Variants in DSCAM observed in about 807,000 individuals in gnomAD.
DSCAM encodes the protein cell adhesion molecule DSCAM.
In DSCAM, 47 loss-of-function variants were observed where a neutral mutation model predicts 217.7. That is an observed-to-expected ratio of 0.22 (90% CI 0.17 to 0.28). DSCAM has a LOEUF of 0.28. Among genes scored for constraint, DSCAM ranks in the 10% least tolerant of loss-of-function variants. The pLI is 1.00. For synonymous variants in DSCAM, 1,056 were observed against 1,015.3 expected (o/e 1.04, Z -0.76); for missense variants, 2,080 against 2,618.3 (o/e 0.79, Z 4.49).
rs1020272119 is a variant in DSCAM at position 40,847,130 on chromosome 21, A to C, written c.-469T>G. 1 of 152,286 alleles carries C rather than the reference A, an allele frequency of 6.6e-6. No individual in the cohort carries two copies. Among genetic ancestry groups the C allele is most frequent in the African/African-American group, 2.4e-5 (1 of 41,460 alleles). The allele number at this position is 152,286 out of a possible 1,614,324, so 9.4% of individuals were successfully genotyped here. On this transcript the variant is annotated 5_prime_UTR_variant, in exon 1 of 33. Transcript: ENST00000400454. The stretch of plus-strand genomic sequence containing the variant: ...CCTCAGTCACATGGATCCCTCTGCC[A>C]ACCTTCCCTGCCTGCGAGCCGGGCG...
intron 3 of DSCAM, among the ~76,000 whole-genome samples, chr21:40,539,149 G>C (rs563728347): frequency 2.4e-4 from 37 of 152,204 alleles, no homozygotes; most frequent in African/African-American, 8.9e-4. Flanking sequence ...GGCCGAGAGG[G>C]CCCAGACCCC....
Position 40,085,752 on chromosome 21 carries a change from T to C in DSCAM, c.3982A>G (p.Ser1328Gly). The change falls in exon 23 of 33, where the codon AGT (serine) becomes GGT (glycine). Residue 1328 changes from serine to glycine, a missense_variant. By Grantham distance (56) the Ser-to-Gly change is moderately conservative. This residue lies in a region of DSCAM where 1,144 missense variants were observed against 1,421.1 expected (regional missense o/e 0.81). Coordinates refer to ENST00000400454, the MANE Select transcript of DSCAM (RefSeq NM_001389.5). ...CTCCGCCCATCAATCGTTACTAGAC[T>C]GGGTGTCCCGTTACTGCCTCACAGG... ...KWMKDSNGTP[S>G]LVTIDGRRSI... is the part of the protein sequence containing the mutation. 6.6e-7 allele frequency: 1 copy of C among 1,519,586 alleles called. No individual in the cohort carries two copies. Among genetic ancestry groups the C allele is most frequent in the Non-Finnish European group, 8.9e-7 (1 of 1,117,892 alleles). 94.1% of individuals were successfully genotyped at this position (1,519,586 alleles called of 1,614,324 possible). A position where few individuals can be genotyped will look rare whatever the true frequency, so the allele number is the denominator to read the frequency against.
At chr21:40,360,692 A>G (rs1276948737) in intron 4 of DSCAM, among the ~76,000 whole-genome samples, 2 of 152,068 alleles carry the variant, frequency 1.3e-5, no homozygotes, top group Non-Finnish European at 2.9e-5. Context: ...TATGTACCAC[A>G]TTTTATTTAT....
chr21:40,397,519 A>C (rs73214887), intron 3 of DSCAM, among the ~76,000 whole-genome samples: 14,296 of 152,138 alleles, frequency 0.094, 989 homozygotes, highest in East Asian at 0.24. Context: ...CTTCCCGTAC[A>C]GCCTACAGAA....
intron 16 of DSCAM, among the ~76,000 whole-genome samples, chr21:40,152,364 G>A (rs891043734): frequency 6.6e-6 from 1 of 152,198 alleles, no homozygotes; most frequent in Admixed American, 6.5e-5. Flanking sequence ...CCTGCTCCTT[G>A]TTAGGTTTCT....
At chr21:40,844,455 C>G (rs909357835) in intron 1 of DSCAM, among the ~76,000 whole-genome samples, 1 of 152,150 alleles carries the variant, frequency 6.6e-6, no homozygotes, top group African/African-American at 2.4e-5. Context: ...ATACGTAATA[C>G]AGCAATGTAA....
intron 1 of DSCAM, among the ~76,000 whole-genome samples, chr21:40,823,330 G>T (rs1303548755): frequency 1.3e-5 from 2 of 151,914 alleles, no homozygotes; most frequent in Non-Finnish European, 2.9e-5. Context: ...GAAAAAGTGA[G>T]GCTGCAGATG....
At chr21:40,662,733 C>T (rs2090151876) in intron 3 of DSCAM, among the ~76,000 whole-genome samples, 1 of 152,128 alleles carries the variant, frequency 6.6e-6, no homozygotes, top group Non-Finnish European at 1.5e-5. Context: ...CTTCCCTGCT[C>T]CCTGCCAGGC....
At chr21:40,809,506 G>C (rs1780453021) in intron 1 of DSCAM, among the ~76,000 whole-genome samples, 1 of 152,156 alleles carries the variant, frequency 6.6e-6, no homozygotes, top group Admixed American at 6.5e-5. Context: ...CCTACGTTAT[G>C]TAAATTATCG....
chr21:40,323,974 C>T (rs1435024412), intron 8 of DSCAM, among the ~76,000 whole-genome samples: 2 of 151,562 alleles, frequency 1.3e-5, no homozygotes, highest in African/African-American at 4.8e-5. Flanking sequence ...CATGGTGGCT[C>T]ACCCCTGTAA....
At chr21:40,794,879 A>T (rs2091677995) in intron 1 of DSCAM, among the ~76,000 whole-genome samples, 1 of 113,342 alleles carries the variant, frequency 8.8e-6, no homozygotes, top group Non-Finnish European at 2.0e-5. Flanking sequence ...GCCTGTTCTT[A>T]GTCAAATTGA....
At chr21:40,141,789 C>T (rs950891601) in intron 18 of DSCAM, among the ~76,000 whole-genome samples, 2 of 152,060 alleles carry the variant, frequency 1.3e-5, no homozygotes, top group African/African-American at 4.8e-5. Context: ...GCTGCAGCCT[C>T]GCTCTGCCCC....
intron 3 of DSCAM, among the ~76,000 whole-genome samples, chr21:40,533,325 T>C (rs934028583): frequency 2.6e-5 from 4 of 152,250 alleles, no homozygotes; most frequent in African/African-American, 9.6e-5. Flanking sequence ...TATTCCAGGA[T>C]ATATGTGAAA....
rs148071814 is a variant in DSCAM at position 40,570,453 on chromosome 21, T to G, written c.508+122357A>C. Among the ~76,000 whole-genome samples the G allele has an allele frequency of 4.5e-3, 686 of 152,292 alleles. 3 individuals are homozygous for G. Among genetic ancestry groups the G allele is most frequent in the Middle Eastern group, 0.01 (3 of 294 alleles). On this transcript the variant is annotated intron_variant, in intron 3 of 32. Transcript: ENST00000400454. ...CCTTCCTGCAAGGGCAAGGTAAACA[T>G]TCCTTACTTCAATCTGCACACAATG...
intron 1 of DSCAM, among the ~76,000 whole-genome samples, chr21:40,804,402 T>G (rs1174733844): frequency 6.6e-6 from 1 of 152,280 alleles, no homozygotes; most frequent in Admixed American, 6.5e-5. Flanking sequence ...ACCCTTGTTC[T>G]TTCCATTGCC....
intron 11 of DSCAM, among the ~76,000 whole-genome samples, chr21:40,210,971 C>T (rs1601444434): frequency 1.3e-5 from 2 of 152,230 alleles, no homozygotes; most frequent in African/African-American, 4.8e-5. Context: ...AAATGAGGAA[C>T]TATTCCACAC....
intron 1 of DSCAM, among the ~76,000 whole-genome samples, chr21:40,753,501 G>T (rs1240980132): frequency 6.6e-6 from 1 of 152,122 alleles, no homozygotes; most frequent in Non-Finnish European, 1.5e-5. Context: ...TAGATAAAAT[G>T]GACACACCTT....
chr21:40,821,415 A>ACC (rs1348953496), intron 1 of DSCAM, among the ~76,000 whole-genome samples: 2 of 151,580 alleles, frequency 1.3e-5, no homozygotes, highest in African/African-American at 4.9e-5. Flanking sequence ...ACACACACAC[A>ACC]CACCCCACAG....
At chr21:40,632,426 C>T (rs536395587) in intron 3 of DSCAM, among the ~76,000 whole-genome samples, 1 of 152,182 alleles carries the variant, frequency 6.6e-6, no homozygotes, top group Admixed American at 6.5e-5. Flanking sequence ...AAAAGACACA[C>T]TACTATCACA....
Sources: gnomAD v4.1 joint callset for allele counts (sites outside exome capture counted in the v4.1 genomes callset) on GRCh38, gnomAD v4.1.1 for gene constraint, gnomAD v4.1.1 regional missense constraint, MANE v1.5 for transcripts, NCBI Gene and HGNC (gene_info 2026-07-23, HGNC 2026-07-21) for gene names.